The following MAN2B1 variants were observed in gnomAD, a reference collection of about 807,000 sequenced individuals.
The protein encoded by MAN2B1 is lysosomal alpha-mannosidase.
In MAN2B1, 99 loss-of-function variants were observed where a neutral mutation model predicts 127.5. That is an observed-to-expected ratio of 0.78 (90% CI 0.66 to 0.92). MAN2B1 has a LOEUF of 0.92. Ranked by LOEUF, MAN2B1 falls within the 40% of genes least tolerant of loss-of-function variation. The pLI is 0.00. For synonymous variants in MAN2B1, 573 were observed against 568.8 expected, an observed-to-expected ratio of 1.01 and a Z score of -0.11; for missense variants, 1,304 against 1,384.8, an observed-to-expected ratio of 0.94 and a Z score of 0.93.
chr19:12,652,127 C>T (rs2023850828), intron 16 of MAN2B1, 26 bp downstream of exon 16: 4 of 1,565,988 alleles, frequency 2.6e-6, no homozygotes, highest in Non-Finnish European at 3.5e-6. Flanking sequence ...TTCCCAACTG[C>T]CCACTCATCA....
At position 12,652,391 on chromosome 19, in the gene MAN2B1, G is replaced by T. The variant is rs2145240029; in HGVS notation, c.1900C>A (p.Leu634Met). 1 of 1,614,134 alleles carries T rather than the reference G, an allele frequency of 6.2e-7. No individual in the cohort carries two copies. The highest frequency in any genetic ancestry group is 1.1e-5 in the South Asian group (1 of 91,084). The change falls in exon 15 of 24, where the codon CTG (leucine) becomes ATG (methionine). Residue 634 changes from leucine to methionine, a missense_variant. By Grantham distance (15) the Leu-to-Met change is conservative (BLOSUM62 2). Coordinates refer to ENST00000456935, the MANE Select transcript of MAN2B1 (RefSeq NM_000528.4). ...AAGAAGGTCTGGCGAACAGGCAGCA[G>T]GAGTTGCTGATTCATGTTCATAATC... ...MEIMNMNQQL[L>M]LPVRQTFFWY...
intron 20 of MAN2B1, 128 bp downstream of exon 20, chr19:12,649,008 A>G: frequency 1.3e-6 from 1 of 777,036 alleles, no homozygotes; most frequent in Non-Finnish European, 2.2e-6. Context: ...AGAGAAGAAA[A>G]GAAAGAAACG....
At position 12,666,742 on chromosome 19, in the gene MAN2B1, G is replaced by T. The variant is rs1284684617; in HGVS notation, c.-41C>A. 3 of 1,537,188 alleles carry T rather than the reference G, an allele frequency of 2.0e-6. No individual in the cohort carries two copies. The highest frequency in any genetic ancestry group is 2.6e-6 in the Non-Finnish European group (3 of 1,143,250). Reference sequence around the variant, plus strand: ...TCCTGGGGTTCCCCGGCCCTGGAAAGGCCGGGCAAACGCCCCGCCCCCAGA... The same window carrying T: ...TCCTGGGGTTCCCCGGCCCTGGAAATGCCGGGCAAACGCCCCGCCCCCAGA... On this transcript the variant is annotated 5_prime_UTR_variant, in exon 1 of 24. Coordinates refer to ENST00000456935, the MANE Select transcript of MAN2B1 (RefSeq NM_000528.4).
At chr19:12,658,605 G>C in intron 7 of MAN2B1, 95 bp from the exon 8 acceptor site, 1 of 1,098,300 alleles carries the variant, frequency 9.1e-7, no homozygotes, top group Non-Finnish European at 1.4e-6. Context: ...GCATCCCATA[G>C]GTTCAGTTTC....
Position 12,647,560 on chromosome 19 carries a change from G to A in MAN2B1, c.2703C>T (p.His901=), listed in dbSNP as rs2023720891. The part of the protein sequence containing the change: ...GLRRDLPPSV[H]LLTLASWGPE... ...GGCCCCAGCTGGCCAGCGTGAGCAGGTGCACCGAGGGCGGCAGGTCCCTGC... is the reference window on the plus strand; with the variant it reads ...GGCCCCAGCTGGCCAGCGTGAGCAGATGCACCGAGGGCGGCAGGTCCCTGC... The change falls in exon 22 of 24, where the codon CAC becomes CAT. Residue 901 remains histidine (H), a synonymous_variant. Coordinates refer to ENST00000456935, the MANE Select transcript of MAN2B1 (RefSeq NM_000528.4). The surrounding 1 kb of genome is among the most constrained non-coding windows in gnomAD (Gnocchi z 4.9). 6.2e-7 allele frequency: 1 copy of A among 1,614,026 alleles called. No individual in the cohort carries two copies. The highest frequency in any genetic ancestry group is 1.7e-5 in the Admixed American group (1 of 60,004).
Position 12,647,551 on chromosome 19 carries a change from C to G in MAN2B1, c.2712G>C (p.Thr904=), listed in dbSNP as rs773210333. 1 of 1,613,992 alleles carries G rather than the reference C, an allele frequency of 6.2e-7. No individual in the cohort carries two copies. Among genetic ancestry groups the G allele is most frequent in the Admixed American group, 1.7e-5 (1 of 59,996 alleles). The part of the protein sequence containing the change: ...RDLPPSVHLL[T]LASWGPEMVL... ...CCATTTCGGGGCCCCAGCTGGCCAG[C>G]GTGAGCAGGTGCACCGAGGGCGGCA... The change falls in exon 22 of 24, where the codon ACG becomes ACC. Residue 904 remains threonine (T), a synonymous_variant. Coordinates refer to ENST00000456935, the MANE Select transcript of MAN2B1 (RefSeq NM_000528.4). This position sits in a 1 kb window ranked among gnomAD's most constrained non-coding sequence, Gnocchi z 4.9.
chr19:12,664,552 G>T (rs2024181290), intron 4 of MAN2B1, among the ~76,000 whole-genome samples: 1 of 152,084 alleles, frequency 6.6e-6, no homozygotes, highest in Non-Finnish European at 1.5e-5. Flanking sequence ...CACCAAGAGG[G>T]GCCTATTAGG....
chr19:12,658,883 G>A (rs1040280621), intron 7 of MAN2B1: 3 of 340,608 alleles, frequency 8.8e-6, no homozygotes, highest in East Asian at 1.6e-4. Flanking sequence ...TTGGGACGGA[G>A]TCTTACTTTG....
chr19:12,658,470 G>T lies in MAN2B1; in HGVS notation c.1067C>A (p.Pro356His). Residue 356 changes from proline (P) to histidine (H), a missense_variant, in exon 8 of 24, where the codon CCC (proline) becomes CAC (histidine). Coordinates refer to ENST00000456935, the MANE Select transcript of MAN2B1 (RefSeq NM_000528.4). Reference sequence around the variant, plus strand: ...GTTCAGCTCCCAGAGGTAACAAGCGGGGGTGGAGTAGAGAACATGGACACT... The same window carrying T: ...GTTCAGCTCCCAGAGGTAACAAGCGTGGGTGGAGTAGAGAACATGGACACT... ...GSSVHVLYSTPACYLWELNKA... is the reference protein window; with the variant it reads ...GSSVHVLYSTHACYLWELNKA... 4.3e-6 allele frequency: 7 copies of T among 1,614,210 alleles called. No individual in the cohort carries two copies. The highest frequency in any genetic ancestry group is 5.9e-6 in the Non-Finnish European group (7 of 1,180,038).
At chr19:12,652,688 C>T (rs909341842) in intron 14 of MAN2B1, among the ~76,000 whole-genome samples, 8 of 151,608 alleles carry the variant, frequency 5.3e-5, no homozygotes, top group Admixed American at 2.6e-4. Flanking sequence ...CCCACCACCC[C>T]GCCTGGCTAA....
rs756359957 is a variant in MAN2B1 at position 12,648,255 on chromosome 19, G to T, written c.2584C>A (p.Gln862Lys). The stretch of plus-strand genomic sequence containing the variant: ...ACCACCTGAGGGGCCAGGACCTCCT[G>T]CTCCGCCAGGAGCCGGTGTCCGGCG... ...AAAGHRLLAE[Q>K]EVLAPQVVLA... The change falls in exon 21 of 24, where the codon CAG (glutamine) becomes AAG (lysine). Residue 862 changes from glutamine to lysine, a missense_variant. Transcript: ENST00000456935. 1 of 1,603,014 alleles carries T rather than the reference G, an allele frequency of 6.2e-7. No individual in the cohort carries two copies. The highest frequency in any genetic ancestry group is 2.3e-5 in the East Asian group (1 of 44,278).
chr19:12,662,037 G>A (rs920969400), intron 6 of MAN2B1, among the ~76,000 whole-genome samples: 5 of 151,996 alleles, frequency 3.3e-5, no homozygotes, highest in Non-Finnish European at 5.9e-5. Context: ...TAGAGACAGG[G>A]TTTCGTCATT....
rs1373946536 is a variant in MAN2B1 at position 12,647,765 on chromosome 19, G to C, written c.2665-167C>G. 3 of 628,800 alleles carry C rather than the reference G, an allele frequency of 4.8e-6. No homozygotes were observed. Among genetic ancestry groups the C allele is most frequent in the South Asian group, 1.9e-5 (1 of 51,450 alleles). The allele number at this position is 628,800 out of a possible 1,614,324, so 39.0% of individuals were successfully genotyped here. The stretch of plus-strand genomic sequence containing the variant: ...GGCCAGGGCCGTGACAGGGAGGACT[G>C]AGCCAATGGGGAGATGGGTCGGTCC... On this transcript the variant is annotated intron_variant, in intron 21 of 23. Transcript: ENST00000456935. This position sits in a 1 kb window ranked among gnomAD's most constrained non-coding sequence, Gnocchi z 4.9.
chr19:12,656,575 C>A lies in MAN2B1; in HGVS notation c.1640G>T (p.Ser547Ile). The change falls in exon 13 of 24, where the codon AGC becomes ATC. Residue 547 changes from serine to isoleucine, a missense_variant. Transcript: ENST00000456935. The part of the protein sequence containing the change: ...VKDPNGRTVP[S>I]DVVIFPSSDS... ...ATATTCGTTGTTTGGGCTCACATCGCTGGGCACTGTCCTGCCATTGGGGTC... is the reference window on the plus strand; with the variant it reads ...ATATTCGTTGTTTGGGCTCACATCGATGGGCACTGTCCTGCCATTGGGGTC... The A allele has an allele frequency of 6.2e-7, 1 of 1,611,536 alleles. No individual in the cohort carries two copies. Among genetic ancestry groups the A allele is most frequent in the Non-Finnish European group, 8.5e-7 (1 of 1,177,748 alleles).
intron 20 of MAN2B1, 151 bp from the exon 21 acceptor site, chr19:12,648,553 C>G (rs759144415): frequency 1.5e-6 from 1 of 648,144 alleles, no homozygotes; most frequent in Non-Finnish European, 2.7e-6. Context: ...GTAGGGCAAC[C>G]CCAGCAGAGG....
rs28639634 is a variant in MAN2B1 at position 12,649,910 on chromosome 19, C to G, written c.2267+3G>C. On this transcript the variant is annotated splice_donor_region_variant and intron_variant, in intron 18 of 23. Coordinates refer to ENST00000456935, the MANE Select transcript of MAN2B1 (RefSeq NM_000528.4). ...CCCCTCAGTGCTCTCAGTCACCCCCCACCTCCTCTCCAGGATCTCCCGGCC... is the reference window on the plus strand; with the variant it reads ...CCCCTCAGTGCTCTCAGTCACCCCCGACCTCCTCTCCAGGATCTCCCGGCC... 4.0e-3 allele frequency: 6,460 copies of G among 1,612,434 alleles called. 231 individuals are homozygous for G. In the African/African-American group the frequency reaches 0.075, roughly 19 times the overall value.
chr19:12,657,194 G>T, intron 11 of MAN2B1, 138 bp from the exon 12 acceptor site: 1 of 712,338 alleles, frequency 1.4e-6, no homozygotes, highest in Non-Finnish European at 2.5e-6. Flanking sequence ...GCCCCACCCT[G>T]CTGCCCTTGA....
chr19:12,649,028 G>A (rs2023770501), intron 20 of MAN2B1, 108 bp downstream of exon 20: 2 of 906,908 alleles, frequency 2.2e-6, no homozygotes, highest in Non-Finnish European at 3.6e-6. Context: ...GGAGTCCTCA[G>A]CTTAGTGGGG....
At chr19:12,665,244 A>C in intron 3 of MAN2B1, 108 bp downstream of exon 3, 1 of 1,375,202 alleles carries the variant, frequency 7.3e-7, no homozygotes, top group Non-Finnish European at 1.0e-6. Context: ...GCGGAGCGAC[A>C]CGCATGTTAT....
Sources: allele counts gnomAD v4.1 joint callset (sites outside exome capture counted in the v4.1 genomes callset), GRCh38; gene constraint gnomAD v4.1.1; non-coding constraint Gnocchi (gnomAD v3.1); transcripts MANE v1.5; gene names NCBI Gene and HGNC (gene_info 2026-07-23, HGNC 2026-07-21).